Variants in SDK1 observed in about 807,000 individuals in gnomAD.
The protein encoded by SDK1 is protein sidekick-1.
Under a neutral mutation model 245.5 loss-of-function variants are expected in SDK1, and 157 were observed. The ratio of observed to expected loss-of-function variants is 0.64; its 90% CI spans 0.56 to 0.73. The LOEUF (loss-of-function observed/expected upper bound fraction) is 0.73. SDK1 is among the 30% of genes least tolerant of loss of function. The pLI is 0.00. For missense variants in SDK1, 3,583 were observed against 3,002.3 expected, an observed-to-expected ratio of 1.19 and a Z score of -4.52; for synonymous variants, 1,647 against 1,278.5, an observed-to-expected ratio of 1.29 and a Z score of -6.15.
At chr7:3,437,855 G>A (rs546020546) in intron 1 of SDK1, among the ~76,000 whole-genome samples, 2 of 152,304 alleles carry the variant, frequency 1.3e-5, no homozygotes, top group South Asian at 2.1e-4. Context: ...TCCATCTTTT[G>A]TAGTACTGAA....
At chr7:4,261,381 C>T (rs1583196622) in intron 44 of SDK1, among the ~76,000 whole-genome samples, 1 of 152,074 alleles carries the variant, frequency 6.6e-6, no homozygotes, top group East Asian at 1.9e-4. Context: ...TGGCAACTCT[C>T]CCATCCCCTG....
chr7:4,076,054 A>G (rs1180857435), intron 20 of SDK1, among the ~76,000 whole-genome samples: 2 of 152,208 alleles, frequency 1.3e-5, no homozygotes, highest in African/African-American at 4.8e-5. Context: ...GGGAAATCAA[A>G]TTTATTAGAA....
chr7:3,805,586 T>A (rs996883201), intron 4 of SDK1, among the ~76,000 whole-genome samples: 13 of 152,216 alleles, frequency 8.5e-5, no homozygotes, highest in Non-Finnish European at 1.8e-4. Flanking sequence ...CCATAGCAGT[T>A]CCCCCAGTGG....
rs1488524823 is a variant in SDK1, at chr7:4,004,532, A to G, written c.2132-6434A>G. Among the ~76,000 whole-genome samples, 2 of 152,350 alleles carry G rather than the reference A, an allele frequency of 1.3e-5. 1 individual carries two copies. ...AATTACAACAGTTATAAAATGCTCC[A>G]TGCTGGCAATGCTATGACAAAAATA... On this transcript the variant is annotated intron_variant, in intron 14 of 44. Coordinates refer to ENST00000404826, the MANE Select transcript of SDK1 (RefSeq NM_152744.4).
chr7:4,129,827 C>T (rs1041181773), intron 26 of SDK1, 81 bp from the exon 27 acceptor site: 17 of 1,578,322 alleles, frequency 1.1e-5, no homozygotes, highest in African/African-American at 5.4e-5. Context: ...CCTTGATTCA[C>T]GAAGGGGGCC....
chr7:3,847,052 C>A lies in SDK1; in HGVS notation c.847+25469C>A, dbSNP rs568532227. ...TGACAGCTGCCGCTTAGTGTAATCACGCTTCTTTTTTTTTTTGCTTTCCCA... is the reference window on the plus strand; with the variant it reads ...TGACAGCTGCCGCTTAGTGTAATCAAGCTTCTTTTTTTTTTTGCTTTCCCA... On this transcript the variant is annotated intron_variant, in intron 5 of 44. Coordinates refer to ENST00000404826, the MANE Select transcript of SDK1 (RefSeq NM_152744.4). Among the ~76,000 whole-genome samples, 134 of 152,082 alleles carry A rather than the reference C, an allele frequency of 8.8e-4. 2 individuals are homozygous for A. Among genetic ancestry groups the A allele is most frequent in the South Asian group, 2.9e-3 (14 of 4,790 alleles).
chr7:3,971,987 G>A (rs374413738), intron 12 of SDK1, among the ~76,000 whole-genome samples: 36 of 152,188 alleles, frequency 2.4e-4, no homozygotes, highest in African/African-American at 7.9e-4. Flanking sequence ...TGGAGGGGGA[G>A]GGAGTCCTGT....
chr7:3,891,493 A>G (rs1288906287), intron 5 of SDK1, among the ~76,000 whole-genome samples: 1 of 152,194 alleles, frequency 6.6e-6, no homozygotes, highest in African/African-American at 2.4e-5. Flanking sequence ...AATCCAGCCG[A>G]AAGTGTAGTT....
intron 40 of SDK1, among the ~76,000 whole-genome samples, chr7:4,228,064 A>G (rs1038801303): frequency 2.0e-5 from 3 of 152,244 alleles, no homozygotes; most frequent in South Asian, 4.1e-4. Flanking sequence ...ATGAAGATGC[A>G]TAGTTCATAT....
chr7:4,087,416 G>A (rs1482849176), intron 22 of SDK1, among the ~76,000 whole-genome samples: 1 of 151,990 alleles, frequency 6.6e-6, no homozygotes, highest in Admixed American at 6.6e-5. Context: ...TTTAAACTAT[G>A]CTTTAATATC....
chr7:3,712,004 C>A (rs1303998859), intron 4 of SDK1, among the ~76,000 whole-genome samples: 3 of 152,186 alleles, frequency 2.0e-5, no homozygotes, highest in Non-Finnish European at 4.4e-5. Flanking sequence ...GTTGGTGTGA[C>A]AGTTCCATAA....
intron 5 of SDK1, among the ~76,000 whole-genome samples, chr7:3,876,832 C>T (rs1781088914): frequency 6.6e-6 from 1 of 152,162 alleles, no homozygotes. Context: ...CAAATGTTAG[C>T]ATTTTAACAC....
Position 4,265,627 on chromosome 7 carries a change from G to T in SDK1, c.*243G>T. On this transcript the variant is annotated 3_prime_UTR_variant, in exon 45 of 45. Transcript: ENST00000404826. The stretch of plus-strand genomic sequence containing the variant: ...CTTTTTCTTTTCTTTTTAAGAGAAG[G>T]TGTATTTCACTGGTGCAATGGCTTG... 7.6e-7 allele frequency: 1 copy of T among 1,321,346 alleles called. No homozygotes were observed. The highest frequency in any genetic ancestry group is 2.1e-5 in the South Asian group (1 of 46,596). 81.9% of individuals were successfully genotyped at this position (1,321,346 alleles called of 1,614,324 possible).
intron 4 of SDK1, among the ~76,000 whole-genome samples, chr7:3,650,448 T>A (rs1051077643): frequency 6.6e-6 from 1 of 152,222 alleles, no homozygotes; most frequent in Admixed American, 6.5e-5. Context: ...AATGGAATCA[T>A]ATGGCATTTA....
chr7:3,813,912 T>A (rs1414584512), intron 4 of SDK1, among the ~76,000 whole-genome samples: 1 of 132,644 alleles, frequency 7.5e-6, no homozygotes, highest in Non-Finnish European at 1.6e-5. Flanking sequence ...AATGTCTTCT[T>A]TTGAGAAGTG....
At chr7:3,375,774 C>G (rs1024080910) in intron 1 of SDK1, among the ~76,000 whole-genome samples, 1 of 152,148 alleles carries the variant, frequency 6.6e-6, no homozygotes, top group African/African-American at 2.4e-5. Flanking sequence ...CTTCAGATGA[C>G]GGCAGCTCTG....
chr7:3,476,294 G>C (rs2128600322), intron 1 of SDK1, among the ~76,000 whole-genome samples: 1 of 152,262 alleles, frequency 6.6e-6, no homozygotes, highest in South Asian at 2.1e-4. Flanking sequence ...ACCCACAGCT[G>C]TTTGCTGTTT....
chr7:3,739,005 A>G (rs1178040103), intron 4 of SDK1, among the ~76,000 whole-genome samples: 1 of 151,870 alleles, frequency 6.6e-6, no homozygotes, highest in African/African-American at 2.4e-5. Flanking sequence ...TTTCTTATAT[A>G]AGATCGTTTA....
intron 4 of SDK1, among the ~76,000 whole-genome samples, chr7:3,702,261 G>C (rs1328883455): frequency 6.6e-6 from 1 of 152,132 alleles, no homozygotes; most frequent in Non-Finnish European, 1.5e-5. Context: ...AATACATAAA[G>C]ATTTCTCAAA....
Sources: allele counts gnomAD v4.1 joint callset (sites outside exome capture counted in the v4.1 genomes callset), GRCh38; gene constraint gnomAD v4.1.1; transcripts MANE v1.5; gene names NCBI Gene and HGNC (gene_info 2026-07-23, HGNC 2026-07-21).